The following ILRUN variants were observed in gnomAD, a reference collection of about 807,000 sequenced individuals.
ILRUN encodes the protein inflammation and lipid regulator with UBA-like and NBR1-like domains.
Under a neutral mutation model 33.8 loss-of-function variants are expected in ILRUN, and 3 were observed. The ratio of observed to expected loss-of-function variants is 0.09; its 90% CI spans 0.04 to 0.23. ILRUN has a LOEUF of 0.23. Among genes scored for constraint, ILRUN ranks in the 10% least tolerant of loss-of-function variants. The pLI is 1.00. For missense variants in ILRUN, 210 were observed against 375.1 expected, an observed-to-expected ratio of 0.56 and a Z score of 3.64; for synonymous variants, 124 against 138.9, an observed-to-expected ratio of 0.89 and a Z score of 0.75.
At chr6:34,635,387 G>A (rs1033189924) in intron 3 of ILRUN, among the ~76,000 whole-genome samples, 3 of 152,032 alleles carry the variant, frequency 2.0e-5, no homozygotes, top group East Asian at 1.9e-4. Context: ...CATTAGCGGG[G>A]TGTAATGACG....
chr6:34,669,280 C>T (rs1763067036), intron 1 of ILRUN, among the ~76,000 whole-genome samples: 2 of 148,006 alleles, frequency 1.4e-5, no homozygotes. Context: ...TGTACCATCA[C>T]ACCCAGCTAT....
chr6:34,633,160 A>G (rs1186844981), intron 3 of ILRUN, among the ~76,000 whole-genome samples: 4 of 152,234 alleles, frequency 2.6e-5, no homozygotes, highest in Non-Finnish European at 5.9e-5. Context: ...TAGTCTTCAG[A>G]GCAAAGAAAA....
chr6:34,663,795 T>A (rs1582090996), intron 1 of ILRUN, among the ~76,000 whole-genome samples: 1 of 152,242 alleles, frequency 6.6e-6, no homozygotes, highest in Non-Finnish European at 1.5e-5. Context: ...AACATTTTCA[T>A]CATCCTAATA....
chr6:34,670,229 AGAG>A (rs1184459620), intron 1 of ILRUN, among the ~76,000 whole-genome samples: 2 of 152,192 alleles, frequency 1.3e-5, no homozygotes, highest in Non-Finnish European at 2.9e-5. Context: ...GCAAATCTTT[AGAG>A]ACAAAAAAGA....
chr6:34,652,242 TA>T (rs1454858681), intron 2 of ILRUN, among the ~76,000 whole-genome samples: 2 of 152,172 alleles, frequency 1.3e-5, no homozygotes, highest in Non-Finnish European at 2.9e-5. Context: ...TTAGGCAAAG[TA>T]AAGCAAATTA....
At chr6:34,599,091 T>G (rs1761458137) in intron 4 of ILRUN, among the ~76,000 whole-genome samples, 1 of 152,218 alleles carries the variant, frequency 6.6e-6, no homozygotes, top group African/African-American at 2.4e-5. Flanking sequence ...GCCAACAAAC[T>G]TCACTTGCCA....
Position 34,611,483 on chromosome 6 carries a change from T to C in ILRUN, c.512-4579A>G, listed in dbSNP as rs535391067. On this transcript the variant is annotated intron_variant, in intron 3 of 4. Coordinates refer to ENST00000374023, the MANE Select transcript of ILRUN (RefSeq NM_024294.4). ...AAAATACAACTTCTACGTGGTACAA[T>C]CTCAATCATCTTGTACCACTTCTAG... Among the ~76,000 whole-genome samples, 8 of 152,262 alleles carry C rather than the reference T, an allele frequency of 5.3e-5. No individual in the cohort carries two copies. The South Asian group carries it at 1.5e-3, about 28-fold the overall frequency.
At chr6:34,679,089 A>T (rs575205737) in intron 1 of ILRUN, among the ~76,000 whole-genome samples, 1 of 151,742 alleles carries the variant, frequency 6.6e-6, no homozygotes, top group South Asian at 2.1e-4. Context: ...CATGACCCGC[A>T]ATTTATCCAT....
rs548210423 is a variant in ILRUN at position 34,635,381 on chromosome 6, A to G, written c.511+11220T>C. ...CCCGTCTCTAATCAAAATGCACATT[A>G]GCGGGGTGTAATGACGCGTGCCTGT... is the stretch of plus-strand genomic sequence containing the variant. On this transcript the variant is annotated intron_variant, in intron 3 of 4. Transcript: ENST00000374023. Among the ~76,000 whole-genome samples the G allele has an allele frequency of 2.0e-3, 301 of 152,158 alleles. 1 individual carries two copies. Among genetic ancestry groups the G allele is most frequent in the African/African-American group, 6.9e-3 (286 of 41,512 alleles).
At chr6:34,627,326 T>A (rs923768006) in intron 3 of ILRUN, among the ~76,000 whole-genome samples, 1 of 152,220 alleles carries the variant, frequency 6.6e-6, no homozygotes, top group African/African-American at 2.4e-5. Context: ...CTTCACTGCA[T>A]CCAAATTTTG....
intron 1 of ILRUN, chr6:34,685,280 G>C (rs1414512673): frequency 1.3e-5 from 2 of 152,036 alleles, no homozygotes; most frequent in Admixed American, 6.6e-5. Flanking sequence ...ACCAAAAACT[G>C]GCTGGAGTAA....
chr6:34,683,273 G>C (rs913584836), intron 1 of ILRUN, among the ~76,000 whole-genome samples: 2 of 150,712 alleles, frequency 1.3e-5, no homozygotes, highest in African/African-American at 4.9e-5. Context: ...GGAGGTATAA[G>C]GGCCTTGTTA....
intron 1 of ILRUN, among the ~76,000 whole-genome samples, chr6:34,684,081 C>G (rs753611875): frequency 4.7e-5 from 7 of 150,282 alleles, no homozygotes; most frequent in Non-Finnish European, 8.9e-5. Context: ...CCCCACCCCC[C>G]AAAAAAACAA....
intron 1 of ILRUN, among the ~76,000 whole-genome samples, chr6:34,672,164 A>C (rs1456092264): frequency 6.6e-6 from 1 of 151,478 alleles, no homozygotes; most frequent in Non-Finnish European, 1.5e-5. Context: ...GTGCAGTGGC[A>C]CAATCTCAGC....
intron 1 of ILRUN, among the ~76,000 whole-genome samples, chr6:34,658,490 C>CTTTTTT (rs71538252): frequency 1.5e-4 from 19 of 130,860 alleles, no homozygotes; most frequent in East Asian, 8.7e-4. Context: ...TTTTCTTTTT[C>CTTTTTT]TTTTTTTTTT....
chr6:34,668,912 T>C (rs976204050), intron 1 of ILRUN, among the ~76,000 whole-genome samples: 6 of 151,596 alleles, frequency 4.0e-5, no homozygotes. Flanking sequence ...GGCGTAATCT[T>C]GGATCACTGC....
At position 34,592,540 on chromosome 6, in the gene ILRUN, T is replaced by C. The variant is rs890228442; in HGVS notation, c.862-1940A>G. Among the ~76,000 whole-genome samples the C allele has an allele frequency of 1.3e-5, 2 of 152,254 alleles. No homozygotes were observed. Among genetic ancestry groups the C allele is most frequent in the Non-Finnish European group, 2.9e-5 (2 of 68,048 alleles). On this transcript the variant is annotated intron_variant, in intron 4 of 4. Transcript: ENST00000374023. This position sits in a 1 kb window ranked among gnomAD's most constrained non-coding sequence, Gnocchi z 4.0. ...GGGGGGGTCCCATACATCAGAGGTA[T>C]CAAGTTCACGCAAAAGTAATTGCAG...
intron 4 of ILRUN, among the ~76,000 whole-genome samples, chr6:34,594,889 T>C (rs1178748514): frequency 1.3e-5 from 2 of 152,160 alleles, no homozygotes; most frequent in Non-Finnish European, 2.9e-5. Context: ...AAAAAAAATT[T>C]TGTTGTTGGG....
At chr6:34,672,604 T>C (rs780503468) in intron 1 of ILRUN, among the ~76,000 whole-genome samples, 29 of 152,040 alleles carry the variant, frequency 1.9e-4, no homozygotes, top group Admixed American at 3.3e-4. Context: ...AATATATTTA[T>C]GGTAAAGCAT....
Sources: gnomAD v4.1 joint callset for allele counts (sites outside exome capture counted in the v4.1 genomes callset) on GRCh38, gnomAD v4.1.1 for gene constraint, Gnocchi (gnomAD v3.1) non-coding constraint, MANE v1.5 for transcripts, NCBI Gene and HGNC (gene_info 2026-07-23, HGNC 2026-07-21) for gene names.